CLSTN1: variants seen among roughly 807,000 people sequenced by gnomAD.
CLSTN1 encodes the protein calsyntenin-1.
A neutral mutation model predicts 108.3 loss-of-function variants in CLSTN1; 28 were observed. That is an observed-to-expected ratio of 0.26 (90% CI 0.19 to 0.35). The LOEUF is 0.35. Among genes scored for constraint, CLSTN1 ranks in the 10% least tolerant of loss-of-function variants. CLSTN1 has a pLI of 1.00. For missense variants in CLSTN1, 1,157 were observed against 1,302.6 expected, an observed-to-expected ratio of 0.89 and a Z score of 1.72; for synonymous variants, 524 against 534.9, an observed-to-expected ratio of 0.98 and a Z score of 0.28.
intron 6 of CLSTN1, 38 bp downstream of exon 6, chr1:9,749,726 A>G: frequency 6.2e-7 from 1 of 1,612,142 alleles, no homozygotes; most frequent in African/African-American, 1.3e-5. Context: ...ATCAGTTTTA[A>G]GAGCAGATGT....
At chr1:9,760,458 A>G (rs1652017421) in intron 2 of CLSTN1, among the ~76,000 whole-genome samples, 1 of 152,080 alleles carries the variant, frequency 6.6e-6, no homozygotes. Flanking sequence ...CATTCAACCT[A>G]AAACTCTACT....
At chr1:9,800,462 G>A (rs550124691) in intron 1 of CLSTN1, among the ~76,000 whole-genome samples, 1 of 150,174 alleles carries the variant, frequency 6.7e-6, no homozygotes, top group East Asian at 2.0e-4. Context: ...GTTCACGCCT[G>A]TAATCCCAGA....
rs1310909345 is a variant in CLSTN1 at position 9,823,494 on chromosome 1, C to A, written c.91+149G>T. ...ACGCCCTGACCCGGCTCCCTGCGCT[C>A]GGACCCGACTCCCCGCATCCCGGCT... is the stretch of plus-strand genomic sequence containing the variant. On this transcript the variant is annotated intron_variant, in intron 1 of 18. Coordinates refer to ENST00000377298, the MANE Select transcript of CLSTN1 (RefSeq NM_001009566.3). This position sits in a 1 kb window ranked among gnomAD's most constrained non-coding sequence, Gnocchi z 6.3. 1 of 380,480 alleles carries A rather than the reference C, an allele frequency of 2.6e-6. No homozygotes were observed. The highest frequency in any genetic ancestry group is 3.9e-6 in the Non-Finnish European group (1 of 259,600). 23.6% of individuals were successfully genotyped at this position (380,480 alleles called of 1,614,324 possible). A position where few individuals can be genotyped will look rare whatever the true frequency, so the allele number is the denominator to read the frequency against.
At position 9,730,571 on chromosome 1, in the gene CLSTN1, G is replaced by T; in HGVS notation, c.2883C>A (p.Gly961=). The change falls in exon 19 of 19, where the codon GGC becomes GGA. Residue 961 remains glycine (G), a synonymous_variant. Transcript: ENST00000377298. The surrounding 1 kb of genome is among the most constrained non-coding windows in gnomAD (Gnocchi z 5.6). The part of the protein sequence containing the change: ...ESSEEEEGEQ[G]DPQNATRQQQ... ...GCTGCCGGGTTGCGTTCTGGGGGTC[G>T]CCCTGCTCCCCCTCCTCCTCCTCGC... 6.2e-7 allele frequency: 1 copy of T among 1,608,740 alleles called. No individual in the cohort carries two copies. Among genetic ancestry groups the T allele is most frequent in the Non-Finnish European group, 8.5e-7 (1 of 1,179,938 alleles).
chr1:9,797,796 A>G (rs1174264402), intron 1 of CLSTN1, among the ~76,000 whole-genome samples: 1 of 152,062 alleles, frequency 6.6e-6, no homozygotes, highest in Non-Finnish European at 1.5e-5. Flanking sequence ...CCTGGCAGGA[A>G]TGTTAAAATA....
chr1:9,753,817 G>T (rs1174035236), intron 4 of CLSTN1, among the ~76,000 whole-genome samples: 1 of 150,674 alleles, frequency 6.6e-6, no homozygotes, highest in Non-Finnish European at 1.5e-5. Flanking sequence ...AATTTTTGTT[G>T]TTATTGTTTT....
chr1:9,781,008 G>T, intron 1 of CLSTN1: 1 of 483,124 alleles, frequency 2.1e-6, no homozygotes, highest in South Asian at 3.0e-5. Flanking sequence ...AAAAAGTTTC[G>T]GATTTTGGAG....
At chr1:9,733,673 TTGGCTTTCTAGCC>T in intron 15 of CLSTN1, 127 bp from the exon 16 acceptor site, 1 of 1,154,224 alleles carries the variant, frequency 8.7e-7, no homozygotes. Context: ...GTCACACAAG[TTGGCTTTCTAGCC>T]ATGGGAATAA....
rs1052807839 is a variant in CLSTN1 at position 9,729,148 on chromosome 1, C to G, written c.*1360G>C. 5.3e-5 allele frequency: 8 copies of G among 152,240 alleles called. No individual in the cohort carries two copies. Among genetic ancestry groups the G allele is most frequent in the African/African-American group, 9.7e-5 (4 of 41,442 alleles). The allele number at this position is 152,240 out of a possible 1,614,324, so 9.4% of individuals were successfully genotyped here. The stretch of plus-strand genomic sequence containing the variant: ...ACATCCCCTGGGCGTGAGCGTCTGT[C>G]CGCTGTCTAAACAGAGCAGCTACAG... On this transcript the variant is annotated 3_prime_UTR_variant, in exon 19 of 19. Transcript: ENST00000377298.
At chr1:9,749,384 A>G (rs905008267) in intron 7 of CLSTN1, 77 bp downstream of exon 7, 27 of 1,288,784 alleles carry the variant, frequency 2.1e-5, no homozygotes, top group Non-Finnish European at 2.9e-5. Context: ...CACAACACAC[A>G]CAAGTATTTC....
In CLSTN1 at chr1:9,823,425, G is replaced by C. The variant is rs1340868483; in HGVS notation, c.91+218C>G. 6.6e-6 allele frequency among the ~76,000 whole-genome samples: 1 copy of C among 152,004 alleles called. No individual in the cohort carries two copies. Among genetic ancestry groups the C allele is most frequent in the Non-Finnish European group, 1.5e-5 (1 of 67,972 alleles). ...GCAGCGCGCGCCCACAGTCTCCTGC[G>C]CCCTGGCCCCGGCTCCGCGAGCCCG... On this transcript the variant is annotated intron_variant, in intron 1 of 18. Transcript: ENST00000377298. This position sits in a 1 kb window ranked among gnomAD's most constrained non-coding sequence, Gnocchi z 6.3.
intron 4 of CLSTN1, among the ~76,000 whole-genome samples, chr1:9,752,769 C>T (rs891233499): frequency 1.2e-4 from 18 of 151,996 alleles, no homozygotes; most frequent in South Asian, 1.0e-3. Flanking sequence ...GGCTGAGGCA[C>T]GAGAATCGCT....
chr1:9,786,907 C>A (rs1381553421), intron 1 of CLSTN1, among the ~76,000 whole-genome samples: 1 of 151,260 alleles, frequency 6.6e-6, no homozygotes, highest in Non-Finnish European at 1.5e-5. Context: ...GGAGGAGGAA[C>A]CCCTATGTCC....
At chr1:9,744,810 G>A (rs1181405175) in intron 7 of CLSTN1, among the ~76,000 whole-genome samples, 167 bp from the exon 8 acceptor site, 1 of 151,924 alleles carries the variant, frequency 6.6e-6, no homozygotes, top group South Asian at 2.1e-4. Context: ...CTGGAGTACA[G>A]TGGCGCGATC....
At chr1:9,811,585 C>T (rs979458734) in intron 1 of CLSTN1, among the ~76,000 whole-genome samples, 2 of 152,070 alleles carry the variant, frequency 1.3e-5, no homozygotes, top group East Asian at 1.9e-4. Flanking sequence ...AAACTCAAAA[C>T]GACTGTACCC....
chr1:9,788,076 G>C (rs1198433857), intron 1 of CLSTN1, among the ~76,000 whole-genome samples: 1 of 151,212 alleles, frequency 6.6e-6, no homozygotes, highest in African/African-American at 2.4e-5. Context: ...CCAACCTGGC[G>C]AGACCCCGTC....
intron 1 of CLSTN1, among the ~76,000 whole-genome samples, chr1:9,790,133 T>C (rs748402284): frequency 5.9e-5 from 9 of 151,444 alleles, no homozygotes; most frequent in Non-Finnish European, 1.3e-4. Flanking sequence ...TCTCGCTCTG[T>C]AGGGTAAGTT....
At chr1:9,746,841 C>T (rs890754258) in intron 7 of CLSTN1, among the ~76,000 whole-genome samples, 1 of 152,128 alleles carries the variant, frequency 6.6e-6, no homozygotes, top group African/African-American at 2.4e-5. Context: ...TACCCACCTA[C>T]TTCGTAGACT....
intron 2 of CLSTN1, among the ~76,000 whole-genome samples, chr1:9,763,726 T>C (rs11121489): frequency 0.22 from 32,875 of 152,078 alleles, 7,102 homozygotes; most frequent in African/African-American, 0.55. Flanking sequence ...TTGACTTCAA[T>C]CCTGTGCTCC....
Sources: gnomAD v4.1 joint callset for allele counts (sites outside exome capture counted in the v4.1 genomes callset) on GRCh38, gnomAD v4.1.1 for gene constraint, Gnocchi (gnomAD v3.1) non-coding constraint, MANE v1.5 for transcripts, NCBI Gene and HGNC (gene_info 2026-07-23, HGNC 2026-07-21) for gene names.